The following PPM1L variants were observed in gnomAD, a reference collection of about 807,000 sequenced individuals.
PPM1L encodes the protein protein phosphatase, Mg2+/Mn2+ dependent 1L, also known as protein phosphatase 1L.
In PPM1L, 13 loss-of-function variants were observed where a neutral mutation model predicts 31.4. That is an observed-to-expected ratio of 0.41 (90% CI 0.27 to 0.66). PPM1L has a LOEUF of 0.66. Ranked by LOEUF, PPM1L falls within the 30% of genes least tolerant of loss-of-function variation. The pLI, the probability that PPM1L is intolerant of heterozygous loss-of-function variation, is 0.29. For missense variants in PPM1L, 326 were observed against 453.7 expected (o/e 0.72, Z 2.56); for synonymous variants, 184 against 175.4 (o/e 1.05, Z -0.39).
At chr3:160,983,567 A>G (rs1002957201) in intron 2 of PPM1L, among the ~76,000 whole-genome samples, 10 of 152,218 alleles carry the variant, frequency 6.6e-5, no homozygotes, top group Admixed American at 1.3e-4. Context: ...TTTTAAATGT[A>G]TACTTTGAAG....
At chr3:160,877,512 T>C (rs1340657282) in intron 1 of PPM1L, among the ~76,000 whole-genome samples, 2 of 151,218 alleles carry the variant, frequency 1.3e-5, no homozygotes, top group Non-Finnish European at 2.9e-5. Flanking sequence ...AGCATCATTG[T>C]CTGGTGTAAA....
chr3:160,892,078 C>T lies in PPM1L; in HGVS notation c.400-69658C>T, dbSNP rs186646932. ...GGTTGATGGGTGCAGCAAACCACCA[C>T]GTCACATGTATACCTATGTAACAAA... is the stretch of plus-strand genomic sequence containing the variant. On this transcript the variant is annotated intron_variant, in intron 1 of 3. Coordinates refer to ENST00000498165, the MANE Select transcript of PPM1L (RefSeq NM_139245.4). 5.9e-5 allele frequency among the ~76,000 whole-genome samples: 9 copies of T among 152,206 alleles called. No homozygotes were observed. In the East Asian group the frequency reaches 9.7e-4, roughly 16 times the overall value.
intron 1 of PPM1L, among the ~76,000 whole-genome samples, chr3:160,802,897 C>T (rs1440012109): frequency 6.6e-6 from 1 of 152,190 alleles, no homozygotes; most frequent in East Asian, 1.9e-4. Flanking sequence ...AATCTCACTA[C>T]TCATGTCACT....
intron 1 of PPM1L, among the ~76,000 whole-genome samples, chr3:160,811,523 T>G (rs1367547437): frequency 6.6e-6 from 1 of 152,248 alleles, no homozygotes; most frequent in African/African-American, 2.4e-5. Context: ...AAGCCTAAAA[T>G]ATTCTCTATC....
chr3:160,966,438 C>G (rs960252306), intron 2 of PPM1L, among the ~76,000 whole-genome samples: 1 of 152,132 alleles, frequency 6.6e-6, no homozygotes, highest in East Asian at 1.9e-4. Context: ...GATTTTATAT[C>G]CTGCTTTTTG....
chr3:160,814,523 ACACATATG>A (rs1712909762), intron 1 of PPM1L, among the ~76,000 whole-genome samples: 4 of 101,152 alleles, frequency 4.0e-5, no homozygotes, highest in African/African-American at 1.7e-4. Flanking sequence ...ATATATACAC[ACACATATG>A]TATGTATGTG....
intron 2 of PPM1L, among the ~76,000 whole-genome samples, chr3:160,993,095 T>C (rs1717189604): frequency 6.6e-6 from 1 of 152,172 alleles, no homozygotes; most frequent in Non-Finnish European, 1.5e-5. Context: ...TTTTCTTGGT[T>C]TTGTTTTATA....
rs1056514596 is a variant in PPM1L, at chr3:160,756,232, T to TC, written c.-73dup. The TC allele has an allele frequency of 1.5e-5, 22 of 1,503,720 alleles. No homozygotes were observed. The Admixed American group carries it at 2.6e-4, about 18-fold the overall frequency. The allele number at this position is 1,503,720 out of a possible 1,614,324, so 93.1% of individuals were successfully genotyped here. A position where few individuals can be genotyped will look rare whatever the true frequency, so the allele number is the denominator to read the frequency against. ...GCTCCGCCTCCCTCCCGGCGGGCTG[T>TC]CCCCGCAGTGCTCCCGGACCCGGCG... On this transcript the variant is annotated 5_prime_UTR_variant, in exon 1 of 4. Coordinates refer to ENST00000498165, the MANE Select transcript of PPM1L (RefSeq NM_139245.4). This position sits in a 1 kb window ranked among gnomAD's most constrained non-coding sequence, Gnocchi z 6.2.
chr3:160,956,830 A>T (rs1434028780), intron 1 of PPM1L, among the ~76,000 whole-genome samples: 1 of 152,350 alleles, frequency 6.6e-6, no homozygotes. Flanking sequence ...GTATGCAAGA[A>T]AGAATTAGGA....
rs1387719207 is a variant in PPM1L at position 160,944,783 on chromosome 3, TTATATATGTTATATATAACATATATAACA to T, written c.400-16926_400-16898del. ...TATATATAACATGTTATATATTATA[TTATATATGTTATATATAACATATATAACA>T]TATATATGTTATATATAACATATAT... On this transcript the variant is annotated intron_variant, in intron 1 of 3. Transcript: ENST00000498165. Among the ~76,000 whole-genome samples the T allele has an allele frequency of 1.4e-3, 72 of 52,576 alleles. 7 individuals are homozygous for T. In the South Asian group the frequency reaches 0.016, roughly 12 times the overall value. 34.5% of individuals were successfully genotyped at this position (52,576 alleles called of 152,430 possible).
chr3:161,061,804 C>T (rs1719579043), intron 2 of PPM1L, among the ~76,000 whole-genome samples: 2 of 152,114 alleles, frequency 1.3e-5, no homozygotes, highest in Admixed American at 1.3e-4. Context: ...AACTGTGTAG[C>T]TAAACAGCCA....
chr3:160,807,270 A>G (rs992241899), intron 1 of PPM1L, among the ~76,000 whole-genome samples: 1 of 152,212 alleles, frequency 6.6e-6, no homozygotes, highest in African/African-American at 2.4e-5. Context: ...CCCACCTTCA[A>G]TGAATCAGTT....
intron 1 of PPM1L, among the ~76,000 whole-genome samples, chr3:160,918,994 A>G (rs1714291488): frequency 6.6e-6 from 1 of 152,262 alleles, no homozygotes; most frequent in Non-Finnish European, 1.5e-5. Context: ...TACCAGGAAT[A>G]AAACAGAGAT....
intron 1 of PPM1L, among the ~76,000 whole-genome samples, chr3:160,876,879 G>A (rs1712531792): frequency 6.6e-6 from 1 of 152,156 alleles, no homozygotes; most frequent in African/African-American, 2.4e-5. Context: ...AGCCTAGCAT[G>A]TGACAAAAAG....
intron 2 of PPM1L, among the ~76,000 whole-genome samples, chr3:161,004,852 C>G (rs867789636): frequency 4.5e-4 from 68 of 152,164 alleles, no homozygotes; most frequent in Middle Eastern, 3.4e-3. Context: ...CAGTTCTGCT[C>G]TGATTTTAGT....
At chr3:160,842,190 G>A (rs1369583664) in intron 1 of PPM1L, 7 of 693,152 alleles carry the variant, frequency 1.0e-5, no homozygotes, top group Non-Finnish European at 1.8e-5. Flanking sequence ...GCAGGAGCTG[G>A]AACTTGGAGA....
At chr3:161,041,530 C>T (rs1376285439) in intron 2 of PPM1L, among the ~76,000 whole-genome samples, 3 of 152,150 alleles carry the variant, frequency 2.0e-5, no homozygotes, top group African/African-American at 7.2e-5. Flanking sequence ...GCAGGCAGAT[C>T]ACAAGGTCAG....
At chr3:160,996,170 A>G (rs1717316081) in intron 2 of PPM1L, among the ~76,000 whole-genome samples, 1 of 152,218 alleles carries the variant, frequency 6.6e-6, no homozygotes, top group Non-Finnish European at 1.5e-5. Flanking sequence ...GTGAAAAGGG[A>G]ACACTTCTAC....
At chr3:160,811,015 T>C (rs1351357146) in intron 1 of PPM1L, among the ~76,000 whole-genome samples, 1 of 152,250 alleles carries the variant, frequency 6.6e-6, no homozygotes. Context: ...TCCCTCAGTT[T>C]CTATTCATTA....
Sources: allele counts gnomAD v4.1 joint callset (sites outside exome capture counted in the v4.1 genomes callset), GRCh38; gene constraint gnomAD v4.1.1; non-coding constraint Gnocchi (gnomAD v3.1); transcripts MANE v1.5; gene names NCBI Gene and HGNC (gene_info 2026-07-23, HGNC 2026-07-21).